The following DCLK2 variants were observed in gnomAD, a reference collection of about 807,000 sequenced individuals.
The protein encoded by DCLK2 is serine/threonine-protein kinase DCLK2.
Under a neutral mutation model 78.4 loss-of-function variants are expected in DCLK2, and 31 were observed. The ratio of observed to expected loss-of-function variants is 0.40; its 90% CI spans 0.30 to 0.53. The LOEUF is 0.53. Ranked by LOEUF, DCLK2 falls within the 20% of genes least tolerant of loss-of-function variation. The pLI, the probability that DCLK2 is intolerant of heterozygous loss-of-function variation, is 0.61. For synonymous variants in DCLK2, 407 were observed against 374.9 expected, an observed-to-expected ratio of 1.09 and a Z score of -0.99; for missense variants, 872 against 973.7, an observed-to-expected ratio of 0.90 and a Z score of 1.39.
At chr4:150,213,644 T>C (rs1424366126) in intron 5 of DCLK2, among the ~76,000 whole-genome samples, 2 of 152,194 alleles carry the variant, frequency 1.3e-5, no homozygotes, top group Non-Finnish European at 2.9e-5. Context: ...AGTTACCTTT[T>C]TAAAGAAAAA....
At position 150,206,888 on chromosome 4, in the gene DCLK2, G is replaced by A. The variant is rs558620780; in HGVS notation, c.1056+2999G>A. On this transcript the variant is annotated intron_variant, in intron 5 of 15. Transcript: ENST00000296550. ...GATGAAAACCTTCTTTTTAAATAAT[G>A]CAATTTAGTCAGGTTACTTTACTGT... 1.2e-3 allele frequency among the ~76,000 whole-genome samples: 187 copies of A among 152,006 alleles called. 1 individual carries two copies. The highest frequency in any genetic ancestry group is 9.0e-4 in the Non-Finnish European group (61 of 68,014).
At chr4:150,136,269 G>T (rs779472320) in intron 2 of DCLK2, among the ~76,000 whole-genome samples, 2 of 152,142 alleles carry the variant, frequency 1.3e-5, no homozygotes, top group South Asian at 2.1e-4. Context: ...TTAGAAGTAC[G>T]GTCCCTCTGA....
chr4:150,186,718 A>G (rs1737963956), intron 2 of DCLK2, among the ~76,000 whole-genome samples: 1 of 152,230 alleles, frequency 6.6e-6, no homozygotes, highest in Non-Finnish European at 1.5e-5. Flanking sequence ...TTGGGCCACT[A>G]CTAGGAACAG....
intron 2 of DCLK2, among the ~76,000 whole-genome samples, chr4:150,113,187 A>T (rs1731825562): frequency 6.6e-6 from 1 of 151,958 alleles, no homozygotes; most frequent in African/African-American, 2.4e-5. Context: ...TTCGTCAGGG[A>T]TATTGGTCTG....
chr4:150,249,548 G>T lies in DCLK2; in HGVS notation c.1957-20G>T. 2 of 1,601,700 alleles carry T rather than the reference G, an allele frequency of 1.2e-6. No homozygotes were observed. Among genetic ancestry groups the T allele is most frequent in the East Asian group, 2.2e-5 (1 of 44,786 alleles). Reference sequence around the variant, plus strand: ...GGAGGATGGAAAAAGCATTGTATTTGATTGTTTTCTTTCCTGTAGGATGAT... The same window carrying T: ...GGAGGATGGAAAAAGCATTGTATTTTATTGTTTTCTTTCCTGTAGGATGAT... On this transcript the variant is annotated intron_variant, in intron 14 of 15. Coordinates refer to ENST00000296550, the MANE Select transcript of DCLK2 (RefSeq NM_001040260.4).
At chr4:150,209,549 CT>C (rs1740131949) in intron 5 of DCLK2, among the ~76,000 whole-genome samples, 1 of 152,186 alleles carries the variant, frequency 6.6e-6, no homozygotes, top group East Asian at 1.9e-4. Flanking sequence ...GGATAAAAGT[CT>C]TGGTCTGCTT....
intron 1 of DCLK2, among the ~76,000 whole-genome samples, chr4:150,099,295 G>T (rs568143253): frequency 9.2e-5 from 14 of 152,190 alleles, no homozygotes; most frequent in Non-Finnish European, 1.8e-4. Context: ...CTGGGCACAA[G>T]GGATCCTCCC....
rs567044728 is a variant in DCLK2, at chr4:150,161,913, G to C, written c.757-31225G>C. Among the ~76,000 whole-genome samples the C allele has an allele frequency of 1.6e-4, 24 of 152,286 alleles. No homozygotes were observed. In the South Asian group the frequency reaches 5.0e-3, roughly 32 times the overall value. ...CAAGGTTGTATCTTGTAACCTTACT[G>C]CTAGGGGCTTATGGCTTTGTAGTTC... is the stretch of plus-strand genomic sequence containing the variant. On this transcript the variant is annotated intron_variant, in intron 2 of 15. Transcript: ENST00000296550.
intron 2 of DCLK2, among the ~76,000 whole-genome samples, chr4:150,169,052 A>G (rs1185083199): frequency 8.8e-6 from 1 of 113,422 alleles, no homozygotes. Context: ...CCCCCTCCCC[A>G]CCCCCCGTAA....
intron 2 of DCLK2, among the ~76,000 whole-genome samples, chr4:150,190,469 AGAAG>A (rs912274291): frequency 6.6e-6 from 1 of 152,184 alleles, no homozygotes; most frequent in African/African-American, 2.4e-5. Context: ...ATTCAGCTAT[AGAAG>A]GAATGAACTG....
intron 1 of DCLK2, among the ~76,000 whole-genome samples, chr4:150,087,091 C>T (rs72963469): frequency 0.047 from 7,185 of 152,144 alleles, 523 homozygotes; most frequent in African/African-American, 0.16. Context: ...TCCTAATCCC[C>T]GGGATATTTT....
At chr4:150,226,395 G>C (rs551569546) in intron 8 of DCLK2, among the ~76,000 whole-genome samples, 8 of 152,010 alleles carry the variant, frequency 5.3e-5, no homozygotes, top group Admixed American at 1.3e-4. Flanking sequence ...GTTTTTCACT[G>C]TAATAGCCTT....
At chr4:150,114,367 G>T (rs750118626) in intron 2 of DCLK2, among the ~76,000 whole-genome samples, 15 of 152,080 alleles carry the variant, frequency 9.9e-5, no homozygotes, top group Non-Finnish European at 1.9e-4. Context: ...CTGTTGTTGT[G>T]TTGCTGTCTA....
At chr4:150,177,696 C>T (rs545485612) in intron 2 of DCLK2, among the ~76,000 whole-genome samples, 103 of 152,208 alleles carry the variant, frequency 6.8e-4, no homozygotes, top group African/African-American at 2.1e-3. Context: ...CTAAGAACTG[C>T]TTAGGTTTCA....
At chr4:150,135,609 G>A (rs535493045) in intron 2 of DCLK2, among the ~76,000 whole-genome samples, 1 of 152,246 alleles carries the variant, frequency 6.6e-6, no homozygotes, top group African/African-American at 2.4e-5. Flanking sequence ...GATGTAAAAG[G>A]GGCACCTAAC....
At chr4:150,226,161 A>G (rs527387854) in intron 8 of DCLK2, among the ~76,000 whole-genome samples, 23 of 152,020 alleles carry the variant, frequency 1.5e-4, no homozygotes, top group Admixed American at 1.3e-3. Flanking sequence ...TTCTGCTCGA[A>G]TGGTTTAGAA....
intron 5 of DCLK2, among the ~76,000 whole-genome samples, chr4:150,211,234 C>T (rs1740290948): frequency 6.6e-6 from 1 of 152,182 alleles, no homozygotes; most frequent in Admixed American, 6.5e-5. Flanking sequence ...GCCTCGGTTA[C>T]TCGCCATGTG....
chr4:150,152,342 C>T (rs1734957969), intron 2 of DCLK2, among the ~76,000 whole-genome samples: 2 of 152,180 alleles, frequency 1.3e-5, no homozygotes, highest in African/African-American at 4.8e-5. Context: ...AGTGCAGTGG[C>T]ACGATCTTGG....
chr4:150,160,989 T>A (rs1735665129), intron 2 of DCLK2, among the ~76,000 whole-genome samples: 1 of 152,116 alleles, frequency 6.6e-6, no homozygotes, highest in South Asian at 2.1e-4. Context: ...TCCCTGTAAC[T>A]TAAAAAAACA....
Sources: gnomAD v4.1 joint callset for allele counts (sites outside exome capture counted in the v4.1 genomes callset) on GRCh38, gnomAD v4.1.1 for gene constraint, MANE v1.5 for transcripts, NCBI Gene and HGNC (gene_info 2026-07-23, HGNC 2026-07-21) for gene names.